Variants in SNRK observed in about 807,000 individuals in gnomAD.
The protein encoded by SNRK is SNF related kinase.
Under a neutral mutation model 48.2 loss-of-function variants are expected in SNRK, and 3 were observed. That is an observed-to-expected ratio of 0.06 (90% CI 0.03 to 0.16). The LOEUF (loss-of-function observed/expected upper bound fraction) is 0.16, where lower values mean the gene tolerates loss of function less well. SNRK is among the 10% of genes least tolerant of loss of function. SNRK has a pLI of 1.00. For synonymous variants in SNRK, 376 were observed against 366.1 expected (o/e 1.03, Z -0.31); for missense variants, 627 against 976.0 (o/e 0.64, Z 4.76).
intron 1 of SNRK, among the ~76,000 whole-genome samples, chr3:43,287,930 C>G (rs1420660400): frequency 6.6e-6 from 1 of 152,160 alleles, no homozygotes; most frequent in East Asian, 1.9e-4. Context: ...AAATATTTCT[C>G]TTGGAATTGG....
intron 3 of SNRK, among the ~76,000 whole-genome samples, chr3:43,316,920 C>G (rs73831251): frequency 0.023 from 3,577 of 152,218 alleles, 147 homozygotes; most frequent in African/African-American, 0.081. Flanking sequence ...GATTACCACA[C>G]CGCCTCATTC....
chr3:43,322,798 A>T (rs1344764495), intron 3 of SNRK, among the ~76,000 whole-genome samples: 1 of 151,846 alleles, frequency 6.6e-6, no homozygotes, highest in Non-Finnish European at 1.5e-5. Context: ...TAAAAATACA[A>T]AAAATTAGCT....
intron 3 of SNRK, among the ~76,000 whole-genome samples, chr3:43,329,437 C>CA (rs1009080304): frequency 1.4e-3 from 176 of 130,026 alleles, no homozygotes; most frequent in Middle Eastern, 4.0e-3. Context: ...GACTCCGTCT[C>CA]AAAAAAAAAA....
intron 3 of SNRK, among the ~76,000 whole-genome samples, chr3:43,305,153 T>G (rs1365542875): frequency 6.6e-6 from 1 of 152,228 alleles, no homozygotes; most frequent in Non-Finnish European, 1.5e-5. Context: ...AAACTAAGTG[T>G]TGGTAAGACC....
At chr3:43,300,832 T>G (rs1000722498) in intron 2 of SNRK, among the ~76,000 whole-genome samples, 8 of 152,212 alleles carry the variant, frequency 5.3e-5, no homozygotes, top group African/African-American at 1.9e-4. Context: ...TTTAAAAATC[T>G]TAATAGTTTA....
intron 3 of SNRK, among the ~76,000 whole-genome samples, chr3:43,306,363 G>C (rs1385947116): frequency 6.6e-6 from 1 of 152,088 alleles, no homozygotes; most frequent in African/African-American, 2.4e-5. Context: ...TATATTGTGA[G>C]ATGTTACTAA....
Position 43,348,186 on chromosome 3 carries a change from C to T in SNRK, c.1927C>T (p.Leu643Phe). 6.3e-7 allele frequency: 1 copy of T among 1,599,046 alleles called. No individual in the cohort carries two copies. Among genetic ancestry groups the T allele is most frequent in the Non-Finnish European group, 8.5e-7 (1 of 1,173,198 alleles). ...GCTGGCCTCTCGCAGTGCTGGGGAG[C>T]TCGTTGAGAGCCTCAAACTCATGAG... ...MQLASRSAGE[L>F]VESLKLMSLC... The change falls in exon 7 of 7, where the codon CTC becomes TTC. Residue 643 changes from leucine to phenylalanine, a missense_variant. Physicochemically the swap from Leu to Phe is conservative, Grantham distance 22. Around this residue, in one of 4 missense-constraint regions of SNRK, gnomAD observed 207 missense variants for 234.3 expected, o/e 0.88. Transcript: ENST00000296088.
intron 2 of SNRK, among the ~76,000 whole-genome samples, chr3:43,300,264 G>A (rs2090888983): frequency 6.6e-6 from 1 of 152,006 alleles, no homozygotes; most frequent in Non-Finnish European, 1.5e-5. Context: ...GCTGGCAAAG[G>A]TTTGGGAAGA....
intron 1 of SNRK, among the ~76,000 whole-genome samples, chr3:43,290,235 C>G (rs571157139): frequency 2.0e-5 from 3 of 152,208 alleles, no homozygotes; most frequent in African/African-American, 7.2e-5. Context: ...CAAGAAGTGT[C>G]TTGGTGAAGA....
intron 3 of SNRK, among the ~76,000 whole-genome samples, chr3:43,323,369 GA>G (rs2091070255): frequency 6.6e-6 from 1 of 152,166 alleles, no homozygotes; most frequent in South Asian, 2.1e-4. Flanking sequence ...AGCACATGCA[GA>G]TGTTCCACAC....
intron 5 of SNRK, among the ~76,000 whole-genome samples, chr3:43,342,100 C>G (rs993569332): frequency 1.3e-5 from 2 of 152,144 alleles, no homozygotes; most frequent in African/African-American, 2.4e-5. Context: ...ATTGGCCTTA[C>G]GTTCTTAGCT....
intron 3 of SNRK, among the ~76,000 whole-genome samples, chr3:43,322,906 C>G (rs953596179): frequency 1.0e-4 from 13 of 124,248 alleles, no homozygotes; most frequent in African/African-American, 3.5e-4. Flanking sequence ...GAGCCGAGAC[C>G]GTGCCACTGC....
chr3:43,296,435 T>C (rs1432494211), intron 1 of SNRK, among the ~76,000 whole-genome samples: 2 of 146,844 alleles, frequency 1.4e-5, no homozygotes, highest in African/African-American at 2.5e-5. Flanking sequence ...TATATATATG[T>C]ATATATATAT....
At chr3:43,325,465 C>T (rs968954579) in intron 3 of SNRK, among the ~76,000 whole-genome samples, 4 of 151,930 alleles carry the variant, frequency 2.6e-5, no homozygotes, top group Non-Finnish European at 5.9e-5. Context: ...GTGCCCGGCC[C>T]AAAAGACTGT....
In SNRK at chr3:43,348,230, G is replaced by C. The variant is rs918393086; in HGVS notation, c.1971G>C (p.Gln657His). The C allele has an allele frequency of 7.9e-5, 128 of 1,613,100 alleles. No individual in the cohort carries two copies. The highest frequency in any genetic ancestry group is 1.1e-4 in the Non-Finnish European group (125 of 1,179,562). The change falls in exon 7 of 7, where the codon CAG (glutamine) becomes CAC (histidine). Residue 657 changes from glutamine (Q) to histidine (H), a missense_variant. Coordinates refer to ENST00000296088, the MANE Select transcript of SNRK (RefSeq NM_017719.5). ...LKLMSLCLGSQLHGSTKYIID... is the reference protein window; with the variant it reads ...LKLMSLCLGSHLHGSTKYIID... ...TCATGAGCCTCTGCCTCGGCTCCCAGCTTCATGGGAGCACCAAGTACATTA... is the reference window on the plus strand; with the variant it reads ...TCATGAGCCTCTGCCTCGGCTCCCACCTTCATGGGAGCACCAAGTACATTA...
chr3:43,342,423 G>A (rs2091244491), intron 5 of SNRK, among the ~76,000 whole-genome samples: 2 of 152,156 alleles, frequency 1.3e-5, no homozygotes, highest in South Asian at 4.1e-4. Context: ...AAACTAATAA[G>A]TCATTCTACC....
At chr3:43,340,265 A>G (rs561374827) in intron 4 of SNRK, 22 bp from the exon 5 acceptor site, 84 of 1,601,434 alleles carry the variant, frequency 5.2e-5, no homozygotes, top group Non-Finnish European at 6.4e-5. Flanking sequence ...TGCTTTAACA[A>G]TGGACTTACC....
intron 3 of SNRK, among the ~76,000 whole-genome samples, chr3:43,317,794 G>A (rs2091024611): frequency 6.6e-6 from 1 of 152,166 alleles, no homozygotes; most frequent in Non-Finnish European, 1.5e-5. Context: ...CTTCTCCAGA[G>A]GTGTAGGGCC....
At chr3:43,287,756 G>A (rs1402913369) in intron 1 of SNRK, among the ~76,000 whole-genome samples, 1 of 152,184 alleles carries the variant, frequency 6.6e-6, no homozygotes, top group Non-Finnish European at 1.5e-5. Context: ...GGAGCACTAT[G>A]TCCCAAACCA....
Sources: allele counts gnomAD v4.1 joint callset (sites outside exome capture counted in the v4.1 genomes callset), GRCh38; gene constraint gnomAD v4.1.1; regional missense constraint gnomAD v4.1.1; transcripts MANE v1.5; gene names NCBI Gene and HGNC (gene_info 2026-07-23, HGNC 2026-07-21).